The following ZNF98 variants were observed in gnomAD, a reference collection of about 807,000 sequenced individuals.
The protein encoded by ZNF98 is zinc finger protein 98.
ZNF98 carries 8 observed loss-of-function variants against 12.8 expected under a neutral mutation model. The ratio of observed to expected loss-of-function variants is 0.63; its 90% CI spans 0.37 to 1.13. The LOEUF is 1.13. Among genes scored for constraint, ZNF98 ranks in the 50% most tolerant of loss-of-function variants. The pLI is 0.01. For missense variants in ZNF98, 379 were observed against 666.1 expected (o/e 0.57, Z 4.74); for synonymous variants, 112 against 223.5 (o/e 0.50, Z 4.45).
At chr19:22,407,808 C>T (rs923116861) in intron 1 of ZNF98, among the ~76,000 whole-genome samples, 2 of 151,936 alleles carry the variant, frequency 1.3e-5, no homozygotes, top group African/African-American at 2.4e-5. Context: ...CGGTAGCTCA[C>T]GCCTGTAATC....
chr19:22,393,330 G>C (rs1969354375), intron 3 of ZNF98, among the ~76,000 whole-genome samples: 1 of 152,186 alleles, frequency 6.6e-6, no homozygotes, highest in African/African-American at 2.4e-5. Flanking sequence ...CAAAAGACAA[G>C]TAAAATAATG....
At chr19:22,415,676 T>A (rs542094680) in intron 1 of ZNF98, among the ~76,000 whole-genome samples, 1 of 148,878 alleles carries the variant, frequency 6.7e-6, no homozygotes, top group South Asian at 2.1e-4. Flanking sequence ...CTCAGCTATG[T>A]GGGGGGCTAA....
At chr19:22,397,331 T>C (rs550935325) in intron 3 of ZNF98, among the ~76,000 whole-genome samples, 30 of 151,896 alleles carry the variant, frequency 2.0e-4, no homozygotes, top group Non-Finnish European at 3.5e-4. Context: ...ATTTTGACAC[T>C]GCACTTGCCG....
intron 1 of ZNF98, among the ~76,000 whole-genome samples, chr19:22,413,053 A>AAAAAAAT (rs1969597193): frequency 6.6e-6 from 1 of 151,078 alleles, no homozygotes; most frequent in Non-Finnish European, 1.5e-5. Flanking sequence ...ACTCCGTCTC[A>AAAAAAAT]AAAAAATAAA....
At chr19:22,393,170 T>C (rs1159271452) in intron 3 of ZNF98, among the ~76,000 whole-genome samples, 189 bp from the exon 4 acceptor site, 2 of 152,032 alleles carry the variant, frequency 1.3e-5, no homozygotes, top group Admixed American at 6.6e-5. Context: ...TTAAAGTAAG[T>C]TAAGTGTGTG....
intron 1 of ZNF98, among the ~76,000 whole-genome samples, chr19:22,409,427 A>G (rs1969556884): frequency 6.6e-6 from 1 of 152,206 alleles, no homozygotes; most frequent in South Asian, 2.1e-4. Context: ...AACAAAAGCC[A>G]AAATTGAAGA....
At chr19:22,401,649 A>C (rs1969458718) in intron 3 of ZNF98, among the ~76,000 whole-genome samples, 1 of 151,254 alleles carries the variant, frequency 6.6e-6, no homozygotes, top group Non-Finnish European at 1.5e-5. Context: ...ACGCCTGACT[A>C]ATTTTTTGTA....
rs1342118440 is a variant in ZNF98 at position 22,391,438 on chromosome 19, G to C, written c.*78C>G. ...TGCCACACTGTTCACACTTGTAGAA[G>C]TTTTCTCCAGAATGAATTACCTTAC... On this transcript the variant is annotated 3_prime_UTR_variant, in exon 4 of 4. Coordinates refer to ENST00000357774, the MANE Select transcript of ZNF98 (RefSeq NM_001098626.2). The C allele has an allele frequency of 6.7e-7, 1 of 1,500,960 alleles. No individual in the cohort carries two copies. The highest frequency in any genetic ancestry group is 1.4e-5 in the African/African-American group (1 of 71,366). 93.0% of individuals were successfully genotyped at this position (1,500,960 alleles called of 1,614,324 possible).
chr19:22,399,311 C>T (rs1969431921), intron 3 of ZNF98, among the ~76,000 whole-genome samples: 1 of 152,102 alleles, frequency 6.6e-6, no homozygotes, highest in Non-Finnish European at 1.5e-5. Context: ...GCAGTATAAT[C>T]ATAAACAGAA....
intron 3 of ZNF98, among the ~76,000 whole-genome samples, chr19:22,395,732 A>C (rs1198034371): frequency 6.6e-6 from 1 of 152,218 alleles, no homozygotes; most frequent in Non-Finnish European, 1.5e-5. Flanking sequence ...TTCAAAAATC[A>C]CAGACAGGAA....
rs1462931706 is a variant in ZNF98 at position 22,392,051 on chromosome 19, G to A, written c.1184C>T (p.Thr395Ile). 1.3e-6 allele frequency: 2 copies of A among 1,561,730 alleles called. No individual in the cohort carries two copies. The highest frequency in any genetic ancestry group is 2.3e-5 in the South Asian group (2 of 85,902). The stretch of plus-strand genomic sequence containing the variant: ...CTCTCCAGCATGAATTCTCTTATGT[G>A]TAGTAAGGGTTGAGGATTGTTTAAA... ...KAFKQSSTLT[T>I]HKRIHAGEKF... Residue 395 changes from threonine (T) to isoleucine (I), a missense_variant, in exon 4 of 4, where the codon ACA becomes ATA. Thr to Ile is a moderately conservative substitution (Grantham distance 89). This residue lies in a region of ZNF98 where 19 missense variants were observed against 119.7 expected (regional missense o/e 0.16). Coordinates refer to ENST00000357774, the MANE Select transcript of ZNF98 (RefSeq NM_001098626.2).
chr19:22,413,784 G>A (rs753517787), intron 1 of ZNF98, among the ~76,000 whole-genome samples: 1 of 147,214 alleles, frequency 6.8e-6, no homozygotes, highest in East Asian at 2.0e-4. Context: ...CAGGAGAATC[G>A]CTTGAACCCG....
At chr19:22,412,241 G>A (rs1034176141) in intron 1 of ZNF98, among the ~76,000 whole-genome samples, 3 of 152,052 alleles carry the variant, frequency 2.0e-5, no homozygotes, top group Non-Finnish European at 2.9e-5. Context: ...GCCACAGCTT[G>A]ATAAAAAAGT....
intron 1 of ZNF98, among the ~76,000 whole-genome samples, chr19:22,412,908 C>G (rs1019424257): frequency 1.3e-5 from 2 of 151,850 alleles, no homozygotes; most frequent in African/African-American, 4.8e-5. Flanking sequence ...AAAAAATTAG[C>G]CAGGCGTGGT....
intron 1 of ZNF98, among the ~76,000 whole-genome samples, chr19:22,414,036 G>C (rs1416816948): frequency 4.6e-5 from 7 of 151,584 alleles, no homozygotes; most frequent in Non-Finnish European, 1.0e-4. Flanking sequence ...AGGAGTTCAA[G>C]ACCAGCCTGC....
intron 1 of ZNF98, among the ~76,000 whole-genome samples, chr19:22,412,576 G>A (rs1269538421): frequency 2.0e-5 from 3 of 149,988 alleles, no homozygotes; most frequent in Admixed American, 1.3e-4. Flanking sequence ...AATCATTTCT[G>A]AACGGAAGGA....
In ZNF98 at chr19:22,391,672, T is replaced by G; in HGVS notation, c.1563A>C (p.Glu521Asp). ...AGTTGTTAAAGGCTTTGCCGCATTCTTCACACTTGTAGGGTTTCTCTCCAG... is the reference window on the plus strand; with the variant it reads ...AGTTGTTAAAGGCTTTGCCGCATTCGTCACACTTGTAGGGTTTCTCTCCAG... ...IHTGEKPYKC[E>D]ECGKAFNNSS... is the part of the protein sequence containing the mutation. The change falls in exon 4 of 4, where the codon GAA becomes GAC. Residue 521 changes from glutamate (E) to aspartate (D), a missense_variant. Physicochemically the swap from Glu to Asp is conservative, Grantham distance 45. Around this residue, in one of 8 missense-constraint regions of ZNF98, gnomAD observed 59 missense variants for 50.3 expected, o/e 1.17. Transcript: ENST00000357774. 1 of 1,614,028 alleles carries G rather than the reference T, an allele frequency of 6.2e-7. No individual in the cohort carries two copies. Among genetic ancestry groups the G allele is most frequent in the Non-Finnish European group, 8.5e-7 (1 of 1,179,926 alleles).
At chr19:22,404,457 T>C (rs1363104689) in intron 1 of ZNF98, among the ~76,000 whole-genome samples, 3 of 152,182 alleles carry the variant, frequency 2.0e-5, no homozygotes, top group African/African-American at 7.2e-5. Context: ...CCAGATTAAA[T>C]GTGATTGTTT....
intron 3 of ZNF98, among the ~76,000 whole-genome samples, chr19:22,393,566 A>G (rs1969356945): frequency 6.6e-6 from 1 of 151,976 alleles, no homozygotes; most frequent in African/African-American, 2.4e-5. Context: ...CAAACCTGAC[A>G]AAACACAAGA....
Sources: allele counts gnomAD v4.1 joint callset (sites outside exome capture counted in the v4.1 genomes callset), GRCh38; gene constraint gnomAD v4.1.1; regional missense constraint gnomAD v4.1.1; transcripts MANE v1.5; gene names NCBI Gene and HGNC (gene_info 2026-07-23, HGNC 2026-07-21).